SGCZ: variants seen among roughly 807,000 people sequenced by gnomAD.
The protein encoded by SGCZ is zeta-sarcoglycan.
Under a neutral mutation model 41.3 loss-of-function variants are expected in SGCZ, and 40 were observed. The ratio of observed to expected loss-of-function variants is 0.97; its 90% confidence interval spans 0.75 to 1.26. SGCZ has a LOEUF of 1.26. SGCZ is among the 50% of genes most tolerant of loss of function. The pLI is 0.00. For synonymous variants in SGCZ, 206 were observed against 137.5 expected, an observed-to-expected ratio of 1.50 and a Z score of -3.49; for missense variants, 552 against 369.8, an observed-to-expected ratio of 1.49 and a Z score of -4.04.
chr8:14,298,408 C>A (rs1392420426), intron 3 of SGCZ, among the ~76,000 whole-genome samples: 1 of 151,870 alleles, frequency 6.6e-6, no homozygotes, highest in East Asian at 1.9e-4. Flanking sequence ...AAAACTATTT[C>A]ATTTGTAGAC....
At chr8:15,145,032 C>T (rs1302799386) in intron 1 of SGCZ, among the ~76,000 whole-genome samples, 2 of 152,150 alleles carry the variant, frequency 1.3e-5, no homozygotes, top group South Asian at 2.1e-4. Context: ...TGTTCTCCTA[C>T]GAGTACTTAC....
At chr8:14,628,781 C>T (rs1806547020) in intron 1 of SGCZ, among the ~76,000 whole-genome samples, 1 of 152,044 alleles carries the variant, frequency 6.6e-6, no homozygotes, top group Admixed American at 6.6e-5. Context: ...ATTTATCTTT[C>T]CTGTAAATAT....
chr8:14,970,602 C>A (rs923712970), intron 1 of SGCZ, among the ~76,000 whole-genome samples: 1 of 152,188 alleles, frequency 6.6e-6, no homozygotes, highest in South Asian at 2.1e-4. Context: ...TGCTGAAAAT[C>A]GGTTGTTCAC....
chr8:15,027,758 T>C (rs1206813644), intron 1 of SGCZ, among the ~76,000 whole-genome samples: 1 of 152,062 alleles, frequency 6.6e-6, no homozygotes, highest in African/African-American at 2.4e-5. Flanking sequence ...TTTCAATTTG[T>C]GACCATAATT....
intron 1 of SGCZ, among the ~76,000 whole-genome samples, chr8:14,860,573 A>T (rs1045529686): frequency 6.6e-6 from 1 of 151,666 alleles, no homozygotes; most frequent in East Asian, 1.9e-4. Context: ...AAAGAAAGAA[A>T]AGAAAAAGAA....
chr8:14,600,100 A>G (rs965235958), intron 1 of SGCZ, among the ~76,000 whole-genome samples: 20 of 152,120 alleles, frequency 1.3e-4, no homozygotes, highest in African/African-American at 4.8e-4. Flanking sequence ...CCCATCTAGT[A>G]GTAGCATTTA....
rs188848991 is a variant in SGCZ at position 14,214,705 on chromosome 8, A to T, written c.424+22887T>A. Among the ~76,000 whole-genome samples the T allele has an allele frequency of 1.7e-3, 250 of 145,040 alleles. 4 individuals carry two copies. The highest frequency in any genetic ancestry group is 3.4e-3 in the African/African-American group (139 of 41,018). The stretch of plus-strand genomic sequence containing the variant: ...GTACCATGCTAACAGTAATTTTTTT[A>T]AAAAAAGCAGGAATATCTATGAGTA... On this transcript the variant is annotated intron_variant, in intron 4 of 7. Transcript: ENST00000382080.
intron 1 of SGCZ, among the ~76,000 whole-genome samples, chr8:14,827,766 T>C (rs1267034777): frequency 1.3e-5 from 2 of 152,112 alleles, no homozygotes; most frequent in African/African-American, 4.8e-5. Flanking sequence ...TTTATATCAT[T>C]TAACTACATG....
intron 4 of SGCZ, among the ~76,000 whole-genome samples, chr8:14,233,550 TAC>T (rs1554483811): frequency 1.5e-4 from 23 of 148,918 alleles, no homozygotes; most frequent in African/African-American, 2.9e-4. Context: ...AACTGCATAA[TAC>T]TTTATTTATA....
chr8:14,438,860 A>G (rs1013222680), intron 2 of SGCZ, among the ~76,000 whole-genome samples: 1 of 152,082 alleles, frequency 6.6e-6, no homozygotes, highest in Non-Finnish European at 1.5e-5. Context: ...TGTCATTTTC[A>G]AGGAAAATAA....
Position 14,769,793 on chromosome 8 carries a change from TA to T in SGCZ, c.40-214868del, listed in dbSNP as rs565416806. On this transcript the variant is annotated intron_variant, in intron 1 of 7. Transcript: ENST00000382080. ...CTGGGCGACAAGAGCAAAACACCAT[TA>T]AAAAAAAAAAAAAAAAAAAAACCCA... Among the ~76,000 whole-genome samples the T allele has an allele frequency of 7.6e-3, 398 of 52,208 alleles. 4 individuals are homozygous for T. Among genetic ancestry groups the T allele is most frequent in the East Asian group, 0.021 (40 of 1,894 alleles). 34.3% of individuals were successfully genotyped at this position (52,208 alleles called of 152,430 possible).
intron 1 of SGCZ, among the ~76,000 whole-genome samples, chr8:15,109,629 T>G (rs573862882): frequency 6.6e-6 from 1 of 152,296 alleles, no homozygotes; most frequent in African/African-American, 2.4e-5. Context: ...TTGGTTAAAC[T>G]TGATTCAGGA....
At chr8:14,757,993 C>G (rs2165593) in intron 1 of SGCZ, among the ~76,000 whole-genome samples, 2 of 151,880 alleles carry the variant, frequency 1.3e-5, no homozygotes, top group African/African-American at 2.4e-5. Context: ...TATGTATATA[C>G]CCATGTATAT....
In SGCZ at chr8:14,264,293, T is replaced by G. The variant is rs1799784465; in HGVS notation, c.337-26614A>C. ...TGTGTTTAAGGAAAGGAGAAGGAGG[T>G]TGAAAGAAAACATAGCCTTGGAGAC... On this transcript the variant is annotated intron_variant, in intron 3 of 7. Transcript: ENST00000382080. Among the ~76,000 whole-genome samples the G allele has an allele frequency of 1.3e-5, 2 of 151,952 alleles. 1 individual carries two copies. The highest frequency in any genetic ancestry group is 4.2e-4 in the South Asian group (2 of 4,808).
intron 1 of SGCZ, among the ~76,000 whole-genome samples, chr8:15,096,660 T>C (rs984311922): frequency 6.6e-6 from 1 of 152,100 alleles, no homozygotes; most frequent in African/African-American, 2.4e-5. Flanking sequence ...ATCTTTTTAA[T>C]TTTTATTTTA....
intron 2 of SGCZ, among the ~76,000 whole-genome samples, chr8:14,441,459 C>A: frequency 6.6e-6 from 1 of 152,102 alleles, no homozygotes; most frequent in East Asian, 1.9e-4. Flanking sequence ...CGGGTAATCC[C>A]AACTACTCAG....
At chr8:14,234,708 G>T (rs955329431) in intron 4 of SGCZ, among the ~76,000 whole-genome samples, 1 of 151,988 alleles carries the variant, frequency 6.6e-6, no homozygotes, top group African/African-American at 2.4e-5. Flanking sequence ...GGTTAGAACA[G>T]CTACTTTATG....
At chr8:15,107,239 T>C (rs1416462610) in intron 1 of SGCZ, among the ~76,000 whole-genome samples, 1 of 152,184 alleles carries the variant, frequency 6.6e-6, no homozygotes, top group African/African-American at 2.4e-5. Flanking sequence ...GTTCTCAAAG[T>C]AGCACGCAGT....
intron 3 of SGCZ, among the ~76,000 whole-genome samples, chr8:14,291,960 A>C (rs1800854688): frequency 2.0e-5 from 3 of 152,084 alleles, no homozygotes; most frequent in African/African-American, 4.8e-5. Context: ...CAGCCAGAAG[A>C]AAGGAGATAA....
Sources: gnomAD v4.1 joint callset for allele counts (sites outside exome capture counted in the v4.1 genomes callset) on GRCh38, gnomAD v4.1.1 for gene constraint, MANE v1.5 for transcripts, NCBI Gene and HGNC (gene_info 2026-07-23, HGNC 2026-07-21) for gene names.